ZBTB26: variants seen among roughly 807,000 people sequenced by gnomAD.
ZBTB26 encodes the protein zinc finger and BTB domain-containing protein 26.
In ZBTB26, 12 loss-of-function variants were observed where a neutral mutation model predicts 31.6. The observed-to-expected ratio is 0.38, with a 90% CI of 0.24 to 0.61. ZBTB26 has a LOEUF of 0.61. Ranked by LOEUF, ZBTB26 falls within the 20% of genes least tolerant of loss-of-function variation. The pLI is 0.60. For synonymous variants in ZBTB26, 155 were observed against 182.9 expected, an observed-to-expected ratio of 0.85 and a Z score of 1.23; for missense variants, 311 against 521.9, an observed-to-expected ratio of 0.60 and a Z score of 3.94.
intron 1 of ZBTB26, among the ~76,000 whole-genome samples, chr9:122,920,906 T>C (rs773071045): frequency 4.6e-5 from 7 of 152,312 alleles, no homozygotes; most frequent in Non-Finnish European, 7.4e-5. Context: ...CCTGCTTATG[T>C]TCCCTCTAAT....
chr9:122,916,951 A>C lies in ZBTB26; in HGVS notation c.*1658T>G, dbSNP rs914418739. 2.0e-5 allele frequency: 3 copies of C among 152,228 alleles called. No homozygotes were observed. The highest frequency in any genetic ancestry group is 4.4e-5 in the Non-Finnish European group (3 of 68,032). The allele number at this position is 152,228 out of a possible 1,614,324, so 9.4% of individuals were successfully genotyped here. ...AAACAGAAAATCCTGATGGAAACTAATAAACAGTTTTCCACACAAAATCAA... is the reference window on the plus strand; with the variant it reads ...AAACAGAAAATCCTGATGGAAACTACTAAACAGTTTTCCACACAAAATCAA... On this transcript the variant is annotated 3_prime_UTR_variant, in exon 2 of 2. Transcript: ENST00000373656.
At chr9:122,927,019 A>G (rs776116077) in intron 1 of ZBTB26, among the ~76,000 whole-genome samples, 16 of 152,354 alleles carry the variant, frequency 1.1e-4, no homozygotes, top group South Asian at 6.2e-4. Context: ...AGAACTGATC[A>G]GGTAGATCAG....
Position 122,918,407 on chromosome 9 carries a change from C to A in ZBTB26, c.*202G>T. ...AAAACAGACTTTACAAGATAAATAA[C>A]TCAAAACAGAAAATGGGAGAGGGCA... On this transcript the variant is annotated 3_prime_UTR_variant, in exon 2 of 2. Transcript: ENST00000373656. The A allele has an allele frequency of 1.6e-6, 1 of 640,858 alleles. No individual in the cohort carries two copies. 39.7% of individuals were successfully genotyped at this position (640,858 alleles called of 1,614,324 possible).
chr9:122,920,193 T>A (rs1428546049), intron 1 of ZBTB26, among the ~76,000 whole-genome samples: 2 of 152,222 alleles, frequency 1.3e-5, no homozygotes, highest in African/African-American at 4.8e-5. Flanking sequence ...TGGCATTCGT[T>A]CAACTTTTAA....
intron 1 of ZBTB26, among the ~76,000 whole-genome samples, chr9:122,920,739 G>A (rs951483905): frequency 7.2e-5 from 11 of 152,290 alleles, no homozygotes; most frequent in Non-Finnish European, 1.5e-4. Flanking sequence ...ACTTGATGTA[G>A]AAAAACGACA....
rs1833022907 is a variant in ZBTB26, at chr9:122,916,823, CAA to C, written c.*1784_*1785del. 2 of 152,152 alleles carry C rather than the reference CAA, an allele frequency of 1.3e-5. No individual in the cohort carries two copies. The allele number at this position is 152,152 out of a possible 1,614,324, so 9.4% of individuals were successfully genotyped here. ...CATGATGATAATTTACATATGATAA[CAA>C]TGATACATGTAAACGTATCAAATAT... On this transcript the variant is annotated 3_prime_UTR_variant, in exon 2 of 2. Transcript: ENST00000373656.
chr9:122,918,322 TGTCA>T lies in ZBTB26; in HGVS notation c.*283_*286del, dbSNP rs1341663738. On this transcript the variant is annotated 3_prime_UTR_variant, in exon 2 of 2. Transcript: ENST00000373656. ...GTGCCTAGTGAAAAGCCTAAAACAGTGTCAGTCTAAGACATAAGTCAATGTTAGG... is the reference window on the plus strand; with the variant it reads ...GTGCCTAGTGAAAAGCCTAAAACAGTGTCTAAGACATAAGTCAATGTTAGG... 2 of 356,338 alleles carry T rather than the reference TGTCA, an allele frequency of 5.6e-6. No homozygotes were observed. The highest frequency in any genetic ancestry group is 1.0e-5 in the Non-Finnish European group (2 of 196,450). 22.1% of individuals were successfully genotyped at this position (356,338 alleles called of 1,614,324 possible).
At chr9:122,929,337 A>T (rs1289764892) in intron 1 of ZBTB26, among the ~76,000 whole-genome samples, 2 of 152,224 alleles carry the variant, frequency 1.3e-5, no homozygotes, top group Non-Finnish European at 2.9e-5. Context: ...CCTTCTTCTC[A>T]ACCTGGGTCT....
Position 122,919,498 on chromosome 9 carries a change from G to A in ZBTB26, c.437C>T (p.Pro146Leu), listed in dbSNP as rs750074642. The A allele has an allele frequency of 1.2e-6, 2 of 1,614,176 alleles. No individual in the cohort carries two copies. The highest frequency in any genetic ancestry group is 1.1e-5 in the South Asian group (1 of 91,074). The stretch of plus-strand genomic sequence containing the variant: ...ATCTCCCTGCTGTTCTTTTGACTGG[G>A]GAGAAGCACTCTGTGGTTCACATCC... ...KEGCEPQSAS[P>L]QSKEQQGDAR... The change falls in exon 2 of 2, where the codon CCC becomes CTC. Residue 146 changes from proline to leucine, a missense_variant. By Grantham distance (98) the Pro-to-Leu change is moderately conservative (BLOSUM62 -3). This residue lies in a region of ZBTB26 where 207 missense variants were observed against 298.6 expected (regional missense o/e 0.69). Coordinates refer to ENST00000373656, the MANE Select transcript of ZBTB26 (RefSeq NM_020924.4). The surrounding 1 kb of genome is among the most constrained non-coding windows in gnomAD (Gnocchi z 6.1).
chr9:122,921,396 T>G (rs954777771), intron 1 of ZBTB26, among the ~76,000 whole-genome samples: 6 of 152,218 alleles, frequency 3.9e-5, no homozygotes, highest in African/African-American at 1.4e-4. Flanking sequence ...TCTCAGTGCA[T>G]CAAGAAATTC....
At chr9:122,924,882 C>G (rs748358130) in intron 1 of ZBTB26, among the ~76,000 whole-genome samples, 1 of 152,074 alleles carries the variant, frequency 6.6e-6, no homozygotes, top group Non-Finnish European at 1.5e-5. Context: ...ACCTAAAACT[C>G]CTGGGTTCAA....
At chr9:122,926,812 G>C (rs768201745) in intron 1 of ZBTB26, among the ~76,000 whole-genome samples, 1 of 151,924 alleles carries the variant, frequency 6.6e-6, no homozygotes, top group Non-Finnish European at 1.5e-5. Context: ...TCCATCTTTT[G>C]TGTATTTATC....
At chr9:122,920,916 TAC>T (rs1461573234) in intron 1 of ZBTB26, among the ~76,000 whole-genome samples, 1 of 152,202 alleles carries the variant, frequency 6.6e-6, no homozygotes, top group Non-Finnish European at 1.5e-5. Flanking sequence ...TTCCCTCTAA[TAC>T]AGTTTTCATA....
intron 1 of ZBTB26, among the ~76,000 whole-genome samples, chr9:122,926,587 T>C (rs1180361550): frequency 1.3e-5 from 2 of 152,004 alleles, no homozygotes; most frequent in African/African-American, 4.8e-5. Flanking sequence ...GCCAAGAAAA[T>C]TCATTGAGCT....
intron 1 of ZBTB26, among the ~76,000 whole-genome samples, chr9:122,926,199 C>T (rs1056897836): frequency 1.3e-5 from 2 of 150,232 alleles, no homozygotes; most frequent in African/African-American, 4.9e-5. Flanking sequence ...CTGGCTGGTA[C>T]AGTTTTATCT....
In ZBTB26 at chr9:122,916,106, A is replaced by C. The variant is rs1833014281; in HGVS notation, c.*2503T>G. ...AAAAATTAGAAAAATGTCTCACAGA[A>C]ACAGAACACCTCTCCAGCCAAAAAT... On this transcript the variant is annotated 3_prime_UTR_variant, in exon 2 of 2. Transcript: ENST00000373656. 1 of 152,252 alleles carries C rather than the reference A, an allele frequency of 6.6e-6. No homozygotes were observed. Among genetic ancestry groups the C allele is most frequent in the South Asian group, 2.1e-4 (1 of 4,836 alleles). 9.4% of individuals were successfully genotyped at this position (152,252 alleles called of 1,614,324 possible). A position where few individuals can be genotyped will look rare whatever the true frequency, so the allele number is the denominator to read the frequency against.
chr9:122,922,909 G>A (rs112978200), intron 1 of ZBTB26, among the ~76,000 whole-genome samples: 2,976 of 152,186 alleles, frequency 0.02, 53 homozygotes, highest in Non-Finnish European at 0.03. Context: ...GAAGGTGACC[G>A]GCCAGGCACA....
At position 122,918,782 on chromosome 9, in the gene ZBTB26, C is replaced by T; in HGVS notation, c.1153G>A (p.Ala385Thr). ...QLHGKNSFDNANERNVQDLTV... is the reference protein window; with the variant it reads ...QLHGKNSFDNTNERNVQDLTV... ...AGGTCTTGTACATTTCTCTCATTGG[C>T]ATTATCAAAGCTGTTTTTGCCATGC... The change falls in exon 2 of 2, where the codon GCC becomes ACC. Residue 385 changes from alanine (A) to threonine (T), a missense_variant. Transcript: ENST00000373656. 6.2e-7 allele frequency: 1 copy of T among 1,614,172 alleles called. No individual in the cohort carries two copies. Among genetic ancestry groups the T allele is most frequent in the Non-Finnish European group, 8.5e-7 (1 of 1,180,010 alleles).
intron 1 of ZBTB26, among the ~76,000 whole-genome samples, chr9:122,922,842 A>C (rs1290154931): frequency 6.6e-6 from 1 of 152,246 alleles, no homozygotes; most frequent in Non-Finnish European, 1.5e-5. Flanking sequence ...AATGAATAAA[A>C]GGAATGTGTA....
Sources: gnomAD v4.1 joint callset for allele counts (sites outside exome capture counted in the v4.1 genomes callset) on GRCh38, gnomAD v4.1.1 for gene constraint, gnomAD v4.1.1 regional missense constraint, Gnocchi (gnomAD v3.1) non-coding constraint, MANE v1.5 for transcripts, NCBI Gene and HGNC (gene_info 2026-07-23, HGNC 2026-07-21) for gene names.